The following DCC variants were observed in gnomAD, a reference collection of about 807,000 sequenced individuals.
DCC encodes DCC netrin 1 receptor, also known as netrin receptor DCC.
A neutral mutation model predicts 172.5 loss-of-function variants in DCC; 58 were observed. The observed-to-expected ratio is 0.34, with a 90% confidence interval of 0.27 to 0.42. The LOEUF is 0.42. DCC is among the 10% of genes least tolerant of loss of function. DCC has a pLI of 1.00. For synonymous variants in DCC, 709 were observed against 644.5 expected (o/e 1.10, Z -1.52); for missense variants, 1,740 against 1,791.0 (o/e 0.97, Z 0.51).
intron 15 of DCC, among the ~76,000 whole-genome samples, chr18:53,348,867 C>T (rs1297233520): frequency 6.6e-6 from 1 of 152,200 alleles, no homozygotes. Context: ...CCCACAGAAC[C>T]ACTTTTTCCT....
chr18:53,090,716 A>C (rs1484583229), intron 7 of DCC, among the ~76,000 whole-genome samples: 25 of 112,484 alleles, frequency 2.2e-4, no homozygotes, highest in East Asian at 1.9e-3. Flanking sequence ...AAAAAAAAAA[A>C]AAAAAAAAAA....
At chr18:52,964,018 A>G (rs1443778180) in intron 5 of DCC, among the ~76,000 whole-genome samples, 2 of 152,172 alleles carry the variant, frequency 1.3e-5, no homozygotes, top group East Asian at 1.9e-4. Flanking sequence ...ACTAGACTTT[A>G]ATGGATAGAG....
chr18:53,183,582 C>G (rs961835485), intron 9 of DCC, among the ~76,000 whole-genome samples: 9 of 152,122 alleles, frequency 5.9e-5, no homozygotes, highest in Admixed American at 3.9e-4. Flanking sequence ...AATGGGAAGC[C>G]TATTTGCAAG....
At chr18:52,867,625 C>G (rs560328237) in intron 2 of DCC, among the ~76,000 whole-genome samples, 315 of 151,968 alleles carry the variant, frequency 2.1e-3, no homozygotes, top group Non-Finnish European at 2.9e-3. Context: ...GCGTATATGT[C>G]CAGGAATTTA....
intron 13 of DCC, among the ~76,000 whole-genome samples, chr18:53,321,362 G>A (rs1003242310): frequency 6.6e-6 from 1 of 152,042 alleles, no homozygotes; most frequent in Non-Finnish European, 1.5e-5. Context: ...CTTTTTGTAA[G>A]AGGAAAGTCA....
chr18:53,172,365 A>G (rs922188128), intron 8 of DCC, among the ~76,000 whole-genome samples: 3 of 152,138 alleles, frequency 2.0e-5, no homozygotes, highest in Non-Finnish European at 4.4e-5. Flanking sequence ...GTTGCGTACT[A>G]TACTTACTAC....
chr18:53,138,393 T>C (rs1402036867), intron 7 of DCC, among the ~76,000 whole-genome samples: 3 of 152,224 alleles, frequency 2.0e-5, no homozygotes, highest in Admixed American at 6.5e-5. Context: ...AATTATCTTA[T>C]GGTTGCCTAC....
intron 1 of DCC, among the ~76,000 whole-genome samples, chr18:52,352,610 A>G (rs1467724245): frequency 3.3e-5 from 5 of 152,134 alleles, no homozygotes; most frequent in African/African-American, 1.2e-4. Flanking sequence ...CACACCTAGA[A>G]GCTAATACTT....
chr18:53,454,123 G>A (rs1332631158), intron 23 of DCC, among the ~76,000 whole-genome samples: 1 of 152,184 alleles, frequency 6.6e-6, no homozygotes, highest in East Asian at 1.9e-4. Flanking sequence ...CAAGACATGA[G>A]GATGGCTTGA....
At chr18:52,485,434 C>A (rs2030171369) in intron 1 of DCC, among the ~76,000 whole-genome samples, 2 of 152,084 alleles carry the variant, frequency 1.3e-5, no homozygotes, top group African/African-American at 4.8e-5. Flanking sequence ...GGTTTGAATG[C>A]AGAATGCACG....
intron 5 of DCC, 140 bp downstream of exon 5, chr18:52,925,510 C>A: frequency 1.2e-6 from 1 of 857,700 alleles, no homozygotes; most frequent in South Asian, 1.4e-5. Flanking sequence ...CATGTCCTTG[C>A]TTTGCTCTGA....
intron 1 of DCC, among the ~76,000 whole-genome samples, chr18:52,638,771 C>T (rs1037745016): frequency 1.3e-5 from 2 of 152,104 alleles, no homozygotes; most frequent in Non-Finnish European, 2.9e-5. Context: ...GACTTCAATA[C>T]TCCACCAACT....
chr18:52,846,463 C>A (rs1392553867), intron 2 of DCC, among the ~76,000 whole-genome samples: 1 of 151,994 alleles, frequency 6.6e-6, no homozygotes, highest in African/African-American at 2.4e-5. Context: ...TTGCTTGAGC[C>A]AGAAGGCTGA....
chr18:52,864,028 A>G (rs1428095792), intron 2 of DCC, among the ~76,000 whole-genome samples: 1 of 152,186 alleles, frequency 6.6e-6, no homozygotes, highest in African/African-American at 2.4e-5. Context: ...TTTATAAGTC[A>G]ATTTGCTACC....
At chr18:52,421,700 G>A (rs540965527) in intron 1 of DCC, among the ~76,000 whole-genome samples, 4 of 152,330 alleles carry the variant, frequency 2.6e-5, no homozygotes, top group Admixed American at 6.5e-5. Flanking sequence ...GGCATGAGAA[G>A]CATTCTTGAT....
Position 52,340,752 on chromosome 18 carries a change from C to T in DCC, c.-36C>T, listed in dbSNP as rs1373403503. ...TGCATGTGTGTGAGTGCTGCCGCTG[C>T]CCGCGACCCCTGGCCCCGAAGGTGT... On this transcript the variant is annotated 5_prime_UTR_variant, in exon 1 of 29. Transcript: ENST00000442544. 6.5e-7 allele frequency: 1 copy of T among 1,531,780 alleles called. No homozygotes were observed. Among genetic ancestry groups the T allele is most frequent in the Admixed American group, 1.7e-5 (1 of 59,894 alleles). The allele number at this position is 1,531,780 out of a possible 1,614,324, so 94.9% of individuals were successfully genotyped here.
intron 1 of DCC, among the ~76,000 whole-genome samples, chr18:52,415,273 A>C (rs1047402566): frequency 1.3e-5 from 2 of 152,202 alleles, no homozygotes; most frequent in African/African-American, 4.8e-5. Context: ...ATTATAATAC[A>C]TGATGGAAGA....
chr18:53,115,867 ATACTG>A (rs2043401388), intron 7 of DCC, among the ~76,000 whole-genome samples: 2 of 151,604 alleles, frequency 1.3e-5, no homozygotes, highest in Non-Finnish European at 3.0e-5. Context: ...TTTTCTTACT[ATACTG>A]TATTCTGTGG....
chr18:52,459,761 G>T (rs1388442455), intron 1 of DCC, among the ~76,000 whole-genome samples: 1 of 151,952 alleles, frequency 6.6e-6, no homozygotes, highest in Admixed American at 6.6e-5. Flanking sequence ...GAGCAACCGC[G>T]CCCAGGCCCA....
Sources: gnomAD v4.1 joint callset for allele counts (sites outside exome capture counted in the v4.1 genomes callset) on GRCh38, gnomAD v4.1.1 for gene constraint, MANE v1.5 for transcripts, NCBI Gene and HGNC (gene_info 2026-07-23, HGNC 2026-07-21) for gene names.